Variants in LRMDA observed in about 807,000 individuals in gnomAD.
LRMDA encodes leucine-rich melanocyte differentiation-associated protein.
A neutral mutation model predicts 29.8 loss-of-function variants in LRMDA; 18 were observed. The observed-to-expected ratio is 0.60, with a 90% confidence interval of 0.42 to 0.90. LRMDA has a LOEUF of 0.90. Among genes scored for constraint, LRMDA ranks in the 40% least tolerant of loss-of-function variants. The pLI is 0.00. For synonymous variants in LRMDA, 125 were observed against 109.4 expected (o/e 1.14, Z -0.89); for missense variants, 273 against 273.9 (o/e 1.00, Z 0.02).
At chr10:76,503,492 G>T in intron 6 of LRMDA, among the ~76,000 whole-genome samples, 1 of 147,218 alleles carries the variant, frequency 6.8e-6, no homozygotes. Context: ...TTCAATTGTT[G>T]ATTCAATTTT....
Position 76,164,967 on chromosome 10 carries a change from A to G in LRMDA, c.516+106184A>G, listed in dbSNP as rs566123612. On this transcript the variant is annotated intron_variant, in intron 5 of 6. Transcript: ENST00000611255. ...TAAAGAAAAGAGGGTTTGTTTGTTT[A>G]TTTGTTTTTGTTTTTGTTTATTGAG... Among the ~76,000 whole-genome samples the G allele has an allele frequency of 2.6e-5, 4 of 152,086 alleles. No individual in the cohort carries two copies. The East Asian group carries it at 7.8e-4, about 30-fold the overall frequency.
At chr10:76,197,156 C>T (rs1435427137) in intron 5 of LRMDA, among the ~76,000 whole-genome samples, 1 of 152,198 alleles carries the variant, frequency 6.6e-6, no homozygotes, top group African/African-American at 2.4e-5. Context: ...TTCCCCAATA[C>T]ATCTCTATCT....
chr10:76,060,402 G>A (rs1270705758), intron 5 of LRMDA, among the ~76,000 whole-genome samples: 1 of 152,086 alleles, frequency 6.6e-6, no homozygotes, highest in Admixed American at 6.5e-5. Flanking sequence ...AAGGTTCTTG[G>A]TGCACAGATC....
At chr10:76,424,738 G>A (rs1024240033) in intron 6 of LRMDA, among the ~76,000 whole-genome samples, 4 of 152,198 alleles carry the variant, frequency 2.6e-5, no homozygotes, top group African/African-American at 9.7e-5. Context: ...ATGTGCTCAG[G>A]ATCATAAAGC....
Position 76,358,502 on chromosome 10 carries a change from T to C in LRMDA, c.601+34017T>C, listed in dbSNP as rs73290733. On this transcript the variant is annotated intron_variant, in intron 6 of 6. Coordinates refer to ENST00000611255, the MANE Select transcript of LRMDA (RefSeq NM_001305581.2). Reference sequence around the variant, plus strand: ...TGATGTTTCTGATGGTTTTCTCACCTGAATATCTCCTTGGTACTATGGGAG... The same window carrying C: ...TGATGTTTCTGATGGTTTTCTCACCCGAATATCTCCTTGGTACTATGGGAG... Among the ~76,000 whole-genome samples the C allele has an allele frequency of 9.7e-3, 1,483 of 152,304 alleles. 19 individuals carry two copies. Among genetic ancestry groups the C allele is most frequent in the African/African-American group, 0.031 (1,309 of 41,568 alleles).
chr10:76,272,955 T>C (rs2132323601), intron 5 of LRMDA, among the ~76,000 whole-genome samples: 1 of 152,218 alleles, frequency 6.6e-6, no homozygotes, highest in South Asian at 2.1e-4. Context: ...TCCCACCGGG[T>C]CCCTCCTTCA....
At chr10:75,929,243 T>C (rs530512509) in intron 2 of LRMDA, among the ~76,000 whole-genome samples, 10 of 152,270 alleles carry the variant, frequency 6.6e-5, no homozygotes, top group African/African-American at 2.4e-4. Flanking sequence ...TGCAGGCTTG[T>C]GTGCCTGTAT....
intron 6 of LRMDA, among the ~76,000 whole-genome samples, chr10:76,369,088 G>A (rs7921123): frequency 0.3 from 45,321 of 151,996 alleles, 9,225 homozygotes; most frequent in African/African-American, 0.57. Context: ...GAGCATTTAG[G>A]CCATTTACAT....
intron 3 of LRMDA, among the ~76,000 whole-genome samples, chr10:76,036,433 A>G (rs1848247724): frequency 6.6e-6 from 1 of 152,212 alleles, no homozygotes; most frequent in Admixed American, 6.5e-5. Flanking sequence ...AATAGATAAA[A>G]ATAGAGAAAG....
At chr10:75,895,291 GCTAAAA>G in intron 2 of LRMDA, among the ~76,000 whole-genome samples, 1 of 152,260 alleles carries the variant, frequency 6.6e-6, no homozygotes, top group East Asian at 1.9e-4. Context: ...AAACAGATTA[GCTAAAA>G]CTAAAACCAT....
chr10:76,296,102 T>A (rs1467860891), intron 5 of LRMDA, among the ~76,000 whole-genome samples: 1 of 152,224 alleles, frequency 6.6e-6, no homozygotes, highest in African/African-American at 2.4e-5. Flanking sequence ...CAGAACCAAC[T>A]GGCTGAAAAG....
intron 6 of LRMDA, among the ~76,000 whole-genome samples, chr10:76,535,167 A>C (rs185661258): frequency 1.3e-5 from 2 of 152,230 alleles, no homozygotes; most frequent in African/African-American, 4.8e-5. Flanking sequence ...GCATGAGTCC[A>C]TGACCAGAAA....
chr10:76,165,612 G>A (rs1850725512), intron 5 of LRMDA, among the ~76,000 whole-genome samples: 1 of 152,200 alleles, frequency 6.6e-6, no homozygotes, highest in Non-Finnish European at 1.5e-5. Flanking sequence ...CTCATTGGCT[G>A]AGGAAGACTC....
intron 2 of LRMDA, among the ~76,000 whole-genome samples, chr10:75,971,580 G>T (rs1023340946): frequency 6.6e-6 from 1 of 152,104 alleles, no homozygotes; most frequent in Non-Finnish European, 1.5e-5. Flanking sequence ...GTGTAGGCTT[G>T]TGGTTCTCCT....
intron 2 of LRMDA, chr10:75,743,611 G>A (rs1207941516): frequency 5.9e-5 from 9 of 152,270 alleles, no homozygotes; most frequent in African/African-American, 1.4e-4. Context: ...AATACACCAC[G>A]TGCTTCACAC....
intron 5 of LRMDA, among the ~76,000 whole-genome samples, chr10:76,103,459 A>T (rs1849429028): frequency 6.6e-6 from 1 of 152,176 alleles, no homozygotes; most frequent in Admixed American, 6.5e-5. Context: ...CTCACAGTAG[A>T]TGCAGCACAC....
chr10:75,904,802 G>T (rs187753588), intron 2 of LRMDA, among the ~76,000 whole-genome samples: 4 of 152,310 alleles, frequency 2.6e-5, no homozygotes, highest in Non-Finnish European at 5.9e-5. Context: ...CGAGTTTTCT[G>T]CAAGGACTGG....
chr10:76,091,300 T>C (rs537558991), intron 5 of LRMDA, among the ~76,000 whole-genome samples: 5 of 151,822 alleles, frequency 3.3e-5, no homozygotes, highest in Non-Finnish European at 7.4e-5. Context: ...TGTGTGTGTG[T>C]GTGTGTGTGT....
At chr10:75,982,649 T>C (rs1847192955) in intron 2 of LRMDA, among the ~76,000 whole-genome samples, 1 of 152,236 alleles carries the variant, frequency 6.6e-6, no homozygotes, top group African/African-American at 2.4e-5. Flanking sequence ...AAGATAGTGG[T>C]GACCTAGGAC....
Sources: gnomAD v4.1 joint callset for allele counts (sites outside exome capture counted in the v4.1 genomes callset) on GRCh38, gnomAD v4.1.1 for gene constraint, MANE v1.5 for transcripts, NCBI Gene and HGNC (gene_info 2026-07-23, HGNC 2026-07-21) for gene names.